The following DNM1L variants were observed in gnomAD, a reference collection of about 807,000 sequenced individuals.
DNM1L encodes dynamin-1-like protein.
In DNM1L, 33 loss-of-function variants were observed where a neutral mutation model predicts 92.8. That is an observed-to-expected ratio of 0.36 (90% CI 0.27 to 0.48). The LOEUF is 0.48. DNM1L is among the 20% of genes least tolerant of loss of function. DNM1L has a pLI of 0.99. For missense variants in DNM1L, 485 were observed against 888.8 expected, an observed-to-expected ratio of 0.55 and a Z score of 5.78; for synonymous variants, 284 against 305.0, an observed-to-expected ratio of 0.93 and a Z score of 0.72.
chr12:32,715,386 T>C (rs1211106189), intron 6 of DNM1L, among the ~76,000 whole-genome samples: 4 of 152,094 alleles, frequency 2.6e-5, no homozygotes, highest in Non-Finnish European at 5.9e-5. Flanking sequence ...ATTATAATAA[T>C]AAAATATGAA....
At position 32,681,135 on chromosome 12, in the gene DNM1L, C is replaced by A. The variant is rs371266231; in HGVS notation, c.102+1670C>A. Among the ~76,000 whole-genome samples, 15 of 152,186 alleles carry A rather than the reference C, an allele frequency of 9.9e-5. 3 individuals carry two copies. Among genetic ancestry groups the A allele is most frequent in the Admixed American group, 1.3e-4 (2 of 15,274 alleles). ...ATCCCATCCTTCTGAAAGCCATTAA[C>A]ATGTGCAAAAACCATCCTAGTACTG... On this transcript the variant is annotated intron_variant, in intron 1 of 19. Transcript: ENST00000549701.
In DNM1L at chr12:32,731,739, T is replaced by TC. The variant is rs1954566254; in HGVS notation, c.1357-114dup. On this transcript the variant is annotated intron_variant, in intron 11 of 19. Transcript: ENST00000549701. The surrounding 1 kb of genome is among the most constrained non-coding windows in gnomAD (Gnocchi z 5.1). Reference sequence around the variant, plus strand: ...TGACTGTTAGCCTGGCATGGTGGCTTCTACATGTAGTCTCAGCTACTTGGG... The same window carrying TC: ...TGACTGTTAGCCTGGCATGGTGGCTTCCTACATGTAGTCTCAGCTACTTGGG... 1.3e-5 allele frequency: 13 copies of TC among 1,006,182 alleles called. No homozygotes were observed. The highest frequency in any genetic ancestry group is 2.0e-5 in the Non-Finnish European group (13 of 657,142). 62.3% of individuals were successfully genotyped at this position (1,006,182 alleles called of 1,614,324 possible).
At position 32,738,305 on chromosome 12, in the gene DNM1L, CTTGCTT is replaced by C; in HGVS notation, c.1707+10_1707+15del. The C allele has an allele frequency of 6.2e-7, 1 of 1,613,536 alleles. No homozygotes were observed. Among genetic ancestry groups the C allele is most frequent in the South Asian group, 1.1e-5 (1 of 91,060 alleles). ...GAAGAGAAACTAAAAATGTGAGTCT[CTTGCTT>C]CAGAATGGAAATGTTGGTACCTTTG... On this transcript the variant is annotated intron_variant, in intron 16 of 19. Transcript: ENST00000549701.
chr12:32,741,646 T>TA (rs1326937235), intron 18 of DNM1L, among the ~76,000 whole-genome samples: 1 of 152,216 alleles, frequency 6.6e-6, no homozygotes, highest in Non-Finnish European at 1.5e-5. Context: ...ACGCACCACA[T>TA]AACATTTTAG....
chr12:32,679,729 G>A, intron 1 of DNM1L: 1 of 1,166,568 alleles, frequency 8.6e-7, no homozygotes, highest in South Asian at 3.1e-5. Flanking sequence ...GGCGGGTCCC[G>A]GGGACAGGAG....
At chr12:32,704,276 G>GC (rs1952829870) in intron 2 of DNM1L, among the ~76,000 whole-genome samples, 1 of 152,080 alleles carries the variant, frequency 6.6e-6, no homozygotes, top group South Asian at 2.1e-4. Flanking sequence ...TAGGCCGGGC[G>GC]CGGTGGCTCA....
chr12:32,713,116 A>G, intron 5 of DNM1L, 93 bp from the exon 6 acceptor site: 1 of 1,222,346 alleles, frequency 8.2e-7, no homozygotes, highest in South Asian at 1.4e-5. Context: ...CTATTTTTAA[A>G]TGGATATACC....
intron 16 of DNM1L, among the ~76,000 whole-genome samples, chr12:32,738,771 T>C (rs2137577050): frequency 6.6e-6 from 1 of 152,266 alleles, no homozygotes; most frequent in East Asian, 1.9e-4. Flanking sequence ...TGTTTTCAAT[T>C]CTTGATAACC....
Position 32,733,801 on chromosome 12 carries a change from T to C in DNM1L, c.1533T>C (p.Asn511=), listed in dbSNP as rs377443517. 6.2e-7 allele frequency: 1 copy of C among 1,613,390 alleles called. No individual in the cohort carries two copies. Among genetic ancestry groups the C allele is most frequent in the African/African-American group, 1.3e-5 (1 of 75,038 alleles). ...FADACGLMNN[N]IEEQRRNRLA... is the part of the protein sequence containing the mutation. ...ATGCTTGTGGGCTAATGAACAATAA[T>C]ATAGAGGTAAATATAATTCTTAAAT... The change falls in exon 13 of 20, where the codon AAT becomes AAC. Residue 511 remains asparagine (N), a synonymous_variant. Coordinates refer to ENST00000549701, the MANE Select transcript of DNM1L (RefSeq NM_012062.5).
chr12:32,716,371 G>A (rs12316165), intron 6 of DNM1L, among the ~76,000 whole-genome samples: 23,383 of 152,014 alleles, frequency 0.15, 1,898 homozygotes, highest in Middle Eastern at 0.21. Context: ...GTCTCATTCT[G>A]TTGCCCAGGG....
rs1955542290 is a variant in DNM1L at position 32,744,824 on chromosome 12, G to A, written c.*1414G>A. On this transcript the variant is annotated 3_prime_UTR_variant, in exon 20 of 20. Coordinates refer to ENST00000549701, the MANE Select transcript of DNM1L (RefSeq NM_012062.5). ...GAGGTTTAGAACATATACATATTTTGTTAAAATTCCCCAGATGATTCTTGG... is the reference window on the plus strand; with the variant it reads ...GAGGTTTAGAACATATACATATTTTATTAAAATTCCCCAGATGATTCTTGG... The A allele has an allele frequency of 2.1e-6, 1 of 475,116 alleles. No individual in the cohort carries two copies. The highest frequency in any genetic ancestry group is 2.0e-5 in the African/African-American group (1 of 50,634). 29.4% of individuals were successfully genotyped at this position (475,116 alleles called of 1,614,324 possible).
intron 14 of DNM1L, chr12:32,737,640 G>A: frequency 1.9e-6 from 1 of 515,114 alleles, no homozygotes; most frequent in East Asian, 3.6e-5. Context: ...TAAAAATGAA[G>A]CTTTTGGATT....
chr12:32,713,456 AG>A (rs1227991776), intron 6 of DNM1L, 85 bp downstream of exon 6: 3 of 1,412,844 alleles, frequency 2.1e-6, no homozygotes, highest in Non-Finnish European at 3.0e-6. Flanking sequence ...CTTTAAAAAC[AG>A]TATCTCTGGT....
chr12:32,736,516 GTTAAA>G, intron 13 of DNM1L, among the ~76,000 whole-genome samples: 2 of 152,326 alleles, frequency 1.3e-5, no homozygotes, highest in Admixed American at 1.3e-4. Flanking sequence ...TGATCAGTGT[GTTAAA>G]TTAGCCAGGT....
chr12:32,729,228 C>T (rs190823523), intron 9 of DNM1L, among the ~76,000 whole-genome samples: 5 of 152,088 alleles, frequency 3.3e-5, no homozygotes, highest in East Asian at 1.9e-4. Context: ...ATTACAGGCG[C>T]GCACTACTAT....
intron 1 of DNM1L, among the ~76,000 whole-genome samples, chr12:32,698,797 C>T (rs565889995): frequency 2.0e-5 from 3 of 151,916 alleles, no homozygotes; most frequent in Non-Finnish European, 2.9e-5. Flanking sequence ...ATCGCATTAG[C>T]TGTTAGTATT....
chr12:32,742,789 T>TAGAAACATAGAAATAGTTTTAAATGC, intron 19 of DNM1L, 41 bp downstream of exon 19: 1 of 1,606,024 alleles, frequency 6.2e-7, no homozygotes, highest in African/African-American at 1.4e-5. Flanking sequence ...GGGTAGTAGA[T>TAGAAACATAGAAATAGTTTTAAATGC]AGAAACATAG....
At chr12:32,680,246 C>T (rs755505419) in intron 1 of DNM1L, among the ~76,000 whole-genome samples, 15 of 152,064 alleles carry the variant, frequency 9.9e-5, no homozygotes, top group Non-Finnish European at 1.8e-4. Flanking sequence ...GGCAAAATAA[C>T]TGTTATTTCT....
chr12:32,737,382 G>A, intron 14 of DNM1L: 1 of 513,528 alleles, frequency 1.9e-6, no homozygotes, highest in Non-Finnish European at 3.4e-6. Context: ...GTAGATTTAA[G>A]CATTTATTTA....
Sources: allele counts gnomAD v4.1 joint callset (sites outside exome capture counted in the v4.1 genomes callset), GRCh38; gene constraint gnomAD v4.1.1; non-coding constraint Gnocchi (gnomAD v3.1); transcripts MANE v1.5; gene names NCBI Gene and HGNC (gene_info 2026-07-23, HGNC 2026-07-21).